Variants in SUMF1 observed in about 807,000 individuals in gnomAD.
The protein encoded by SUMF1 is formylglycine-generating enzyme.
In SUMF1, 48 loss-of-function variants were observed where a neutral mutation model predicts 47.6. The observed-to-expected ratio is 1.01, with a 90% CI of 0.80 to 1.28. The LOEUF (loss-of-function observed/expected upper bound fraction) is 1.28, where lower values mean the gene tolerates loss of function less well. Ranked by LOEUF, SUMF1 falls within the 50% of genes most tolerant of loss-of-function variation. The pLI, the probability that SUMF1 is intolerant of heterozygous loss-of-function variation, is 0.00. For missense variants in SUMF1, 571 were observed against 485.4 expected, an observed-to-expected ratio of 1.18 and a Z score of -1.66; for synonymous variants, 230 against 192.1, an observed-to-expected ratio of 1.20 and a Z score of -1.63.
intron 8 of SUMF1, among the ~76,000 whole-genome samples, chr3:4,149,671 A>C (rs1385156689): frequency 1.3e-5 from 2 of 152,198 alleles, no homozygotes; most frequent in Non-Finnish European, 2.9e-5. Context: ...CACTTGGCAC[A>C]ATTAAAATCT....
At chr3:4,464,762 A>G (rs535636009) in intron 1 of SUMF1, among the ~76,000 whole-genome samples, 2 of 152,372 alleles carry the variant, frequency 1.3e-5, no homozygotes, top group African/African-American at 4.8e-5. Flanking sequence ...ACAGCCTCCT[A>G]TGACGTCATT....
intron 7 of SUMF1, among the ~76,000 whole-genome samples, chr3:4,408,449 C>G (rs1701440602): frequency 6.6e-6 from 1 of 152,048 alleles, no homozygotes; most frequent in Non-Finnish European, 1.5e-5. Context: ...TCATAATTAA[C>G]TGTTTAAAAA....
chr3:4,109,419 C>T (rs1217240525), intron 8 of SUMF1, among the ~76,000 whole-genome samples: 3 of 152,004 alleles, frequency 2.0e-5, no homozygotes, highest in South Asian at 2.1e-4. Flanking sequence ...TTGCTCTTCT[C>T]GAGGAGTATC....
In SUMF1 at chr3:4,273,664, C is replaced by T. The variant is rs116353911; in HGVS notation, c.1014+102666G>A. On this transcript the variant is annotated intron_variant and NMD_transcript_variant, in intron 8 of 12. Transcript: ENST00000448413. ...TAAATTTTACATTAAGTAAATTATACTCAATAAAGCAGAAAGAAGGAAGGG... is the reference window on the plus strand; with the variant it reads ...TAAATTTTACATTAAGTAAATTATATTCAATAAAGCAGAAAGAAGGAAGGG... Among the ~76,000 whole-genome samples the T allele has an allele frequency of 9.0e-3, 1,200 of 133,810 alleles. 18 individuals carry two copies. Among genetic ancestry groups the T allele is most frequent in the African/African-American group, 0.032 (1,139 of 35,184 alleles). The allele number at this position is 133,810 out of a possible 152,430, so 87.8% of individuals were successfully genotyped here.
intron 8 of SUMF1, among the ~76,000 whole-genome samples, chr3:4,228,534 C>G (rs1351990791): frequency 6.6e-6 from 1 of 152,150 alleles, no homozygotes; most frequent in Non-Finnish European, 1.5e-5. Context: ...GCCACATTCT[C>G]TGATCTGCCC....
At chr3:4,255,986 C>G (rs367897084) in intron 8 of SUMF1, among the ~76,000 whole-genome samples, 31 of 148,044 alleles carry the variant, frequency 2.1e-4, no homozygotes, top group African/African-American at 7.4e-4. Context: ...CAACTACATG[C>G]AAACTGAACA....
At chr3:4,420,477 AC>A (rs1256941707) in intron 3 of SUMF1, among the ~76,000 whole-genome samples, 1 of 150,508 alleles carries the variant, frequency 6.6e-6, no homozygotes, top group Non-Finnish European at 1.5e-5. Flanking sequence ...GCTCACTGCA[AC>A]CTCCGCCTCC....
intron 6 of SUMF1, chr3:4,414,575 G>C (rs1009585170): frequency 1.3e-5 from 2 of 152,206 alleles, no homozygotes; most frequent in Non-Finnish European, 2.9e-5. Flanking sequence ...TGGCTTGCTT[G>C]CTTTCTCCTC....
intron 9 of SUMF1, among the ~76,000 whole-genome samples, chr3:4,049,784 T>C (rs900239651): frequency 6.6e-6 from 1 of 152,112 alleles, no homozygotes; most frequent in African/African-American, 2.4e-5. Context: ...GTGTGACAGC[T>C]TTCTGTACCC....
At chr3:4,167,641 C>G (rs1056247212) in intron 8 of SUMF1, among the ~76,000 whole-genome samples, 7 of 152,134 alleles carry the variant, frequency 4.6e-5, no homozygotes, top group Non-Finnish European at 1.0e-4. Context: ...GAAAAGTTCT[C>G]CAAGTCCCCA....
chr3:4,452,381 T>C (rs1221867639), intron 2 of SUMF1, among the ~76,000 whole-genome samples: 5 of 152,192 alleles, frequency 3.3e-5, no homozygotes, highest in Non-Finnish European at 5.9e-5. Context: ...TGTCAAGGTG[T>C]TGGAATAAAG....
chr3:4,123,797 T>C (rs1693596877), intron 8 of SUMF1, among the ~76,000 whole-genome samples: 1 of 152,104 alleles, frequency 6.6e-6, no homozygotes, highest in Admixed American at 6.6e-5. Flanking sequence ...ACATAATATC[T>C]CTGAGGTCTT....
chr3:4,094,859 AG>A (rs1692867431), intron 8 of SUMF1, among the ~76,000 whole-genome samples: 2 of 152,196 alleles, frequency 1.3e-5, no homozygotes, highest in Admixed American at 1.3e-4. Flanking sequence ...TTCAAAGGAG[AG>A]GGATCGTGAT....
At chr3:4,233,826 T>G (rs899460193) in intron 8 of SUMF1, among the ~76,000 whole-genome samples, 2 of 152,126 alleles carry the variant, frequency 1.3e-5, no homozygotes, top group Non-Finnish European at 2.9e-5. Context: ...AAAAGCAGAG[T>G]ACTGCTCTTC....
At chr3:4,126,452 A>G (rs1693656234) in intron 8 of SUMF1, among the ~76,000 whole-genome samples, 1 of 152,028 alleles carries the variant, frequency 6.6e-6, no homozygotes, top group Non-Finnish European at 1.5e-5. Flanking sequence ...TCTTGTCTTT[A>G]AAACTTTTTT....
chr3:4,042,597 A>G (rs1228105920), intron 9 of SUMF1, among the ~76,000 whole-genome samples: 2 of 152,190 alleles, frequency 1.3e-5, no homozygotes, highest in Non-Finnish European at 2.9e-5. Flanking sequence ...CAAAACAATT[A>G]TGTAATTCTC....
intron 8 of SUMF1, among the ~76,000 whole-genome samples, chr3:4,166,712 G>A (rs894437131): frequency 2.6e-5 from 4 of 152,070 alleles, no homozygotes; most frequent in African/African-American, 7.2e-5. Flanking sequence ...GTCTCACTTG[G>A]GTGATGTAAC....
At chr3:4,347,586 G>A (rs1264924755) in intron 8 of SUMF1, among the ~76,000 whole-genome samples, 1 of 152,126 alleles carries the variant, frequency 6.6e-6, no homozygotes, top group Non-Finnish European at 1.5e-5. Flanking sequence ...TTATTGAATG[G>A]GCAAAAGCTA....
rs73809545 is a variant in SUMF1 at position 4,410,193 on chromosome 3, T to C, written c.954+672A>G. Among the ~76,000 whole-genome samples the C allele has an allele frequency of 2.1e-3, 318 of 152,368 alleles. 1 individual carries two copies. Among genetic ancestry groups the C allele is most frequent in the African/African-American group, 7.3e-3 (304 of 41,594 alleles). ...GAAGCACTTTCCACACACATGTCCATGTAGTGTCTCAATTTGTATACATTC... is the reference window on the plus strand; with the variant it reads ...GAAGCACTTTCCACACACATGTCCACGTAGTGTCTCAATTTGTATACATTC... On this transcript the variant is annotated intron_variant, in intron 7 of 8. Coordinates refer to ENST00000272902, the MANE Select transcript of SUMF1 (RefSeq NM_182760.4).
Sources: allele counts gnomAD v4.1 joint callset (sites outside exome capture counted in the v4.1 genomes callset), GRCh38; gene constraint gnomAD v4.1.1; transcripts MANE v1.5; gene names NCBI Gene and HGNC (gene_info 2026-07-23, HGNC 2026-07-21).